SPATA9: variants seen among roughly 807,000 people sequenced by gnomAD.
SPATA9 encodes the protein spermatogenesis-associated protein 9.
A neutral mutation model predicts 25.5 loss-of-function variants in SPATA9; 27 were observed. That is an observed-to-expected ratio of 1.06 (90% CI 0.78 to 1.46). SPATA9 has a LOEUF of 1.46. Ranked by LOEUF, SPATA9 falls within the 40% of genes most tolerant of loss-of-function variation. SPATA9 has a pLI of 0.00. For synonymous variants in SPATA9, 102 were observed against 105.7 expected, an observed-to-expected ratio of 0.97 and a Z score of 0.21; for missense variants, 282 against 297.5, an observed-to-expected ratio of 0.95 and a Z score of 0.38.
At chr5:95,719,207 G>A in the SPATA9 span, among the ~76,000 whole-genome samples, 12 of 152,164 alleles carry the variant, frequency 7.9e-5, 1 homozygote, top group African/African-American at 2.9e-4. Flanking sequence ...GTGGTTGACT[G>A]GGAGGTTGCT....
At chr5:95,731,620 C>A in the SPATA9 span, 1 of 1,606,068 alleles carries the variant, frequency 6.2e-7, no homozygotes, top group Non-Finnish European at 8.5e-7. Context: ...CGCCCGGGGG[C>A]CCCGCGAAGC....
the SPATA9 span, among the ~76,000 whole-genome samples, chr5:95,713,963 G>A: frequency 6.6e-6 from 1 of 151,724 alleles, no homozygotes; most frequent in Non-Finnish European, 1.5e-5. Context: ...ATTAATATTT[G>A]TTTAATATTT....
the SPATA9 span, among the ~76,000 whole-genome samples, chr5:95,705,432 T>C: frequency 6.6e-6 from 1 of 152,218 alleles, no homozygotes; most frequent in South Asian, 2.1e-4. Context: ...TCCATGTTAC[T>C]AGCATGTCAA....
At chr5:95,700,785 C>T (rs1411948826), upstream of SPATA9, among the ~76,000 whole-genome samples, 2 of 152,132 alleles carry the variant, frequency 1.3e-5, no homozygotes, top group Non-Finnish European at 2.9e-5. Context: ...CTTGACATTG[C>T]TATAAACCAC....
chr5:95,720,591 T>C, the SPATA9 span, among the ~76,000 whole-genome samples: 1 of 152,196 alleles, frequency 6.6e-6, no homozygotes, highest in African/African-American at 2.4e-5. Context: ...AGTACTACAA[T>C]GCTTGTGCTG....
the SPATA9 span, among the ~76,000 whole-genome samples, chr5:95,722,123 A>C: frequency 6.6e-6 from 1 of 152,218 alleles, no homozygotes. Flanking sequence ...GAACATTTCT[A>C]AGCATATTTG....
At chr5:95,667,832 G>A (rs1289708357) in intron 3 of SPATA9, among the ~76,000 whole-genome samples, 3 of 152,234 alleles carry the variant, frequency 2.0e-5, no homozygotes, top group East Asian at 3.9e-4. Context: ...GATCATGGGG[G>A]CAGTTTCTCA....
intron 1 of SPATA9, among the ~76,000 whole-genome samples, chr5:95,688,069 T>C (rs1474697826): frequency 6.6e-6 from 1 of 152,190 alleles, no homozygotes; most frequent in Non-Finnish European, 1.5e-5. Flanking sequence ...CTACCATGTG[T>C]CCACCCAAAG....
At chr5:95,710,447 G>C in the SPATA9 span, among the ~76,000 whole-genome samples, 1 of 152,216 alleles carries the variant, frequency 6.6e-6, no homozygotes, top group South Asian at 2.1e-4. Flanking sequence ...TTTTGGCCCA[G>C]AGTTAACTTA....
chr5:95,690,919 T>C (rs2112705240), intron 1 of SPATA9, among the ~76,000 whole-genome samples: 1 of 152,324 alleles, frequency 6.6e-6, no homozygotes, highest in Non-Finnish European at 1.5e-5. Flanking sequence ...TAAAACTGTC[T>C]TTTCTTTTTA....
chr5:95,688,912 C>T (rs1237093985), intron 1 of SPATA9, among the ~76,000 whole-genome samples: 1 of 151,988 alleles, frequency 6.6e-6, no homozygotes, highest in Non-Finnish European at 1.5e-5. Flanking sequence ...ATAATAAAAT[C>T]TATTAGTTAC....
the SPATA9 span, among the ~76,000 whole-genome samples, chr5:95,704,547 G>T: frequency 6.6e-6 from 1 of 151,890 alleles, no homozygotes; most frequent in Non-Finnish European, 1.5e-5. Context: ...TAAAATATAG[G>T]TCTCCTTTAA....
upstream of SPATA9, among the ~76,000 whole-genome samples, chr5:95,684,052 A>C (rs1753654589): frequency 6.6e-6 from 1 of 152,064 alleles, no homozygotes; most frequent in Non-Finnish European, 1.5e-5. Flanking sequence ...CCCAGCTCTC[A>C]TGGTGTTCTT....
upstream of SPATA9, among the ~76,000 whole-genome samples, chr5:95,703,219 G>T (rs1754218463): frequency 6.6e-6 from 1 of 152,160 alleles, no homozygotes; most frequent in Non-Finnish European, 1.5e-5. Context: ...TTATACAGAT[G>T]ATCACAAAGT....
chr5:95,715,099 G>A, the SPATA9 span, among the ~76,000 whole-genome samples: 3 of 152,146 alleles, frequency 2.0e-5, no homozygotes, highest in African/African-American at 7.2e-5. Context: ...GCCAAGGCGG[G>A]CAGTTCACGA....
Position 95,682,956 on chromosome 5 carries a change from T to G in SPATA9, c.-102A>C, listed in dbSNP as rs1753590198. 3 of 1,392,640 alleles carry G rather than the reference T, an allele frequency of 2.2e-6. No individual in the cohort carries two copies. The African/African-American group carries it at 4.4e-5, about 20-fold the overall frequency. 86.3% of individuals were successfully genotyped at this position (1,392,640 alleles called of 1,614,324 possible). On this transcript the variant is annotated 5_prime_UTR_variant, in exon 1 of 5. Transcript: ENST00000274432. ...TGAAAGATGAGGGTAGCCTTCCACT[T>G]GGGAAAGCCAGCAAGGACAGAACTC...
At chr5:95,671,157 C>T (rs1752333882) in intron 3 of SPATA9, among the ~76,000 whole-genome samples, 1 of 152,200 alleles carries the variant, frequency 6.6e-6, no homozygotes, top group South Asian at 2.1e-4. Flanking sequence ...TCCTACTTCT[C>T]ATCTAGCTAA....
At chr5:95,678,825 G>T (rs2112665239) in intron 2 of SPATA9, among the ~76,000 whole-genome samples, 1 of 152,128 alleles carries the variant, frequency 6.6e-6, no homozygotes, top group Middle Eastern at 3.4e-3. Flanking sequence ...ATATTTGAAG[G>T]GTAAATAACT....
chr5:95,691,800 A>G (rs946381784), intron 1 of SPATA9, among the ~76,000 whole-genome samples: 14 of 152,276 alleles, frequency 9.2e-5, no homozygotes, highest in Admixed American at 2.6e-4. Context: ...CTTCAATATT[A>G]TACTGTTTAC....
Sources: allele counts gnomAD v4.1 joint callset (sites outside exome capture counted in the v4.1 genomes callset), GRCh38; gene constraint gnomAD v4.1.1; transcripts MANE v1.5; gene names NCBI Gene and HGNC (gene_info 2026-07-23, HGNC 2026-07-21).